Variants in SEMA3E observed in about 807,000 individuals in gnomAD.
SEMA3E encodes the protein semaphorin-3E.
In SEMA3E, 49 loss-of-function variants were observed where a neutral mutation model predicts 93.6. That is an observed-to-expected ratio of 0.52 (90% CI 0.42 to 0.66). The LOEUF (loss-of-function observed/expected upper bound fraction) is 0.66. Ranked by LOEUF, SEMA3E falls within the 30% of genes least tolerant of loss-of-function variation. The probability of loss-of-function intolerance (pLI) is 0.00; values close to 1 mark genes in which losing one functional copy is unlikely to be tolerated. For missense variants in SEMA3E, 906 were observed against 964.8 expected (o/e 0.94, Z 0.81); for synonymous variants, 363 against 330.7 (o/e 1.10, Z -1.06).
chr7:83,588,387 A>G (rs1163040768), intron 1 of SEMA3E, among the ~76,000 whole-genome samples: 1 of 152,232 alleles, frequency 6.6e-6, no homozygotes, highest in East Asian at 1.9e-4. Context: ...CTAAAAAAAA[A>G]AAGAAGAAGA....
rs1562743975 is a variant in SEMA3E at position 83,364,258 on chromosome 7, T to G, written c.*3328A>C. ...TCATGCTTAACACCAACACTCAAAATGACTTATAGTATTTTACAAATTTTA... is the reference window on the plus strand; with the variant it reads ...TCATGCTTAACACCAACACTCAAAAGGACTTATAGTATTTTACAAATTTTA... On this transcript the variant is annotated 3_prime_UTR_variant, in exon 17 of 17. Coordinates refer to ENST00000643230, the MANE Select transcript of SEMA3E (RefSeq NM_012431.3). The G allele has an allele frequency of 6.6e-6, 1 of 152,194 alleles. No individual in the cohort carries two copies. Among genetic ancestry groups the G allele is most frequent in the Non-Finnish European group, 1.5e-5 (1 of 68,040 alleles). The allele number at this position is 152,194 out of a possible 1,614,324, so 9.4% of individuals were successfully genotyped here. A position where few individuals can be genotyped will look rare whatever the true frequency, so the allele number is the denominator to read the frequency against.
intron 1 of SEMA3E, among the ~76,000 whole-genome samples, chr7:83,615,683 A>G (rs1309109121): frequency 1.3e-5 from 2 of 152,280 alleles, no homozygotes; most frequent in East Asian, 3.9e-4. Context: ...CCTATCACCC[A>G]TACTTTCCCA....
At position 83,600,388 on chromosome 7, in the gene SEMA3E, C is replaced by G. The variant is rs1792964065; in HGVS notation, c.115+48040G>C. Among the ~76,000 whole-genome samples the G allele has an allele frequency of 2.0e-5, 3 of 150,302 alleles. No individual in the cohort carries two copies. In the South Asian group the frequency reaches 6.3e-4, roughly 31 times the overall value. ...AGACTGGAGTGCAATGGTGCTATCT[C>G]GGCTCACTGCAAGCTCCGCCTCCAG... On this transcript the variant is annotated intron_variant, in intron 1 of 16. Transcript: ENST00000643230.
intron 1 of SEMA3E, among the ~76,000 whole-genome samples, chr7:83,591,979 A>C (rs908216465): frequency 3.3e-5 from 5 of 152,086 alleles, no homozygotes; most frequent in African/African-American, 1.2e-4. Flanking sequence ...CATGCAAAAA[A>C]TACAACCATA....
intron 2 of SEMA3E, among the ~76,000 whole-genome samples, chr7:83,483,211 ATAG>A (rs917254371): frequency 1.3e-5 from 2 of 152,146 alleles, no homozygotes; most frequent in Admixed American, 6.5e-5. Flanking sequence ...AAGGCAAACT[ATAG>A]TAGTAGTAGT....
intron 4 of SEMA3E, among the ~76,000 whole-genome samples, chr7:83,424,496 G>A (rs567532436): frequency 6.6e-6 from 1 of 152,154 alleles, no homozygotes; most frequent in East Asian, 1.9e-4. Flanking sequence ...TTTCCATCAT[G>A]TCTTCTAAAA....
chr7:83,474,266 G>A (rs1313488204), intron 2 of SEMA3E, among the ~76,000 whole-genome samples: 2 of 151,898 alleles, frequency 1.3e-5, no homozygotes, highest in Non-Finnish European at 2.9e-5. Context: ...GAGTAATAAT[G>A]GGAATTTATC....
At chr7:83,583,129 G>C (rs985771912) in intron 1 of SEMA3E, among the ~76,000 whole-genome samples, 1 of 152,078 alleles carries the variant, frequency 6.6e-6, no homozygotes, top group African/African-American at 2.4e-5. Flanking sequence ...AAGTGATATA[G>C]ACCTTTTGTG....
intron 1 of SEMA3E, among the ~76,000 whole-genome samples, chr7:83,538,593 T>C (rs938570427): frequency 6.6e-6 from 1 of 152,174 alleles, no homozygotes; most frequent in Non-Finnish European, 1.5e-5. Flanking sequence ...TGTTAAATCA[T>C]TATTTTTTAC....
intron 1 of SEMA3E, among the ~76,000 whole-genome samples, chr7:83,500,281 C>A (rs1425664829): frequency 1.3e-5 from 2 of 151,936 alleles, no homozygotes; most frequent in Non-Finnish European, 2.9e-5. Context: ...ACTAAAAATA[C>A]AAAAATTAGC....
At chr7:83,603,602 G>A (rs1049051075) in intron 1 of SEMA3E, among the ~76,000 whole-genome samples, 1 of 152,138 alleles carries the variant, frequency 6.6e-6, no homozygotes, top group Non-Finnish European at 1.5e-5. Context: ...TCCATCTGTA[G>A]TATTAGTTTC....
At chr7:83,520,049 A>G (rs1791013032) in intron 1 of SEMA3E, among the ~76,000 whole-genome samples, 1 of 152,180 alleles carries the variant, frequency 6.6e-6, no homozygotes, top group African/African-American at 2.4e-5. Context: ...AATAAGGCTT[A>G]CGATAAAATC....
chr7:83,474,390 G>A (rs148125161), intron 2 of SEMA3E, among the ~76,000 whole-genome samples: 1 of 152,098 alleles, frequency 6.6e-6, no homozygotes, highest in South Asian at 2.1e-4. Context: ...CTTCGATGTT[G>A]TTATTCATTG....
At chr7:83,473,988 A>C (rs1290367757) in intron 2 of SEMA3E, among the ~76,000 whole-genome samples, 1 of 151,640 alleles carries the variant, frequency 6.6e-6, no homozygotes, top group Admixed American at 6.6e-5. Context: ...AGCTGCTCCA[A>C]GGGTGAGGCA....
intron 1 of SEMA3E, among the ~76,000 whole-genome samples, chr7:83,509,642 G>A (rs549805479): frequency 1.3e-5 from 2 of 152,208 alleles, no homozygotes; most frequent in African/African-American, 2.4e-5. Context: ...CTCTGCTTCC[G>A]TATCTTCTAG....
intron 1 of SEMA3E, among the ~76,000 whole-genome samples, chr7:83,634,070 A>G (rs1391266572): frequency 6.6e-6 from 1 of 152,244 alleles, no homozygotes; most frequent in Non-Finnish European, 1.5e-5. Flanking sequence ...TCCAATAGAT[A>G]TAAATTAGCT....
At chr7:83,520,648 C>CA (rs1791024096) in intron 1 of SEMA3E, among the ~76,000 whole-genome samples, 1 of 152,162 alleles carries the variant, frequency 6.6e-6, no homozygotes, top group Middle Eastern at 3.2e-3. Flanking sequence ...AGAGTGCCAA[C>CA]ATACACCGTA....
chr7:83,590,617 G>A (rs532506629), intron 1 of SEMA3E, among the ~76,000 whole-genome samples: 1 of 152,258 alleles, frequency 6.6e-6, no homozygotes, highest in African/African-American at 2.4e-5. Context: ...CAATTAAAAT[G>A]AGGGATAAGG....
At chr7:83,622,520 T>G (rs1157976524) in intron 1 of SEMA3E, among the ~76,000 whole-genome samples, 1 of 151,996 alleles carries the variant, frequency 6.6e-6, no homozygotes, top group Non-Finnish European at 1.5e-5. Flanking sequence ...ATTATAAAGA[T>G]ACATGCACAC....
Sources: allele counts gnomAD v4.1 joint callset (sites outside exome capture counted in the v4.1 genomes callset), GRCh38; gene constraint gnomAD v4.1.1; transcripts MANE v1.5; gene names NCBI Gene and HGNC (gene_info 2026-07-23, HGNC 2026-07-21).